The following TASP1 variants were observed in gnomAD, a reference collection of about 807,000 sequenced individuals.
TASP1 encodes threonine aspartase 1.
TASP1 carries 16 observed loss-of-function variants against 56.6 expected under a neutral mutation model. That is an observed-to-expected ratio of 0.28 (90% CI 0.19 to 0.43). The LOEUF is 0.43. TASP1 is among the 20% of genes least tolerant of loss of function. TASP1 has a pLI of 1.00. For synonymous variants in TASP1, 179 were observed against 184.2 expected, an observed-to-expected ratio of 0.97 and a Z score of 0.23; for missense variants, 393 against 511.6, an observed-to-expected ratio of 0.77 and a Z score of 2.24.
At chr20:13,620,282 A>ACC (rs1251400882) in intron 4 of TASP1, among the ~76,000 whole-genome samples, 1 of 152,036 alleles carries the variant, frequency 6.6e-6, no homozygotes, top group African/African-American at 2.4e-5. Context: ...ACACACACAC[A>ACC]CACACACACA....
intron 10 of TASP1, among the ~76,000 whole-genome samples, chr20:13,500,581 TA>T (rs2043910319): frequency 1.3e-5 from 2 of 151,696 alleles, no homozygotes; most frequent in South Asian, 4.2e-4. Context: ...GAAAACCTAT[TA>T]AAATAAATCA....
chr20:13,471,330 T>C (rs1205936417), intron 11 of TASP1, among the ~76,000 whole-genome samples: 1 of 152,138 alleles, frequency 6.6e-6, no homozygotes, highest in Non-Finnish European at 1.5e-5. Flanking sequence ...TAGTCCCACA[T>C]ACGGCTACTG....
chr20:13,491,376 A>C (rs2043519831), intron 10 of TASP1, among the ~76,000 whole-genome samples: 1 of 152,202 alleles, frequency 6.6e-6, no homozygotes, highest in South Asian at 2.1e-4. Context: ...CTGCGTTCAC[A>C]ATACTTTCTC....
At chr20:13,454,318 G>T (rs779458769) in intron 11 of TASP1, among the ~76,000 whole-genome samples, 5 of 152,144 alleles carry the variant, frequency 3.3e-5, no homozygotes, top group Non-Finnish European at 5.9e-5. Flanking sequence ...GAGGCAGGAA[G>T]ACTGCTTAGG....
the TASP1 span, among the ~76,000 whole-genome samples, chr20:13,281,271 A>T: frequency 2.0e-5 from 3 of 152,204 alleles, no homozygotes; most frequent in Admixed American, 2.0e-4. Context: ...AAATAGTGCC[A>T]TGGTAGAGAT....
intron 2 of TASP1, among the ~76,000 whole-genome samples, chr20:13,626,578 G>A (rs926862099): frequency 6.6e-6 from 1 of 152,082 alleles, no homozygotes; most frequent in Non-Finnish European, 1.5e-5. Context: ...ACTCACCCAC[G>A]AAACTGTCGT....
intron 10 of TASP1, among the ~76,000 whole-genome samples, chr20:13,521,478 C>T (rs1411521237): frequency 6.6e-6 from 1 of 152,126 alleles, no homozygotes; most frequent in Non-Finnish European, 1.5e-5. Flanking sequence ...TTTTTAGGGA[C>T]ATGGATGAAG....
intron 11 of TASP1, among the ~76,000 whole-genome samples, chr20:13,438,626 A>T (rs1945783418): frequency 6.6e-6 from 1 of 152,246 alleles, no homozygotes; most frequent in South Asian, 2.1e-4. Flanking sequence ...CACCAAAAGC[A>T]ATGGCAACAA....
the TASP1 span, among the ~76,000 whole-genome samples, chr20:13,227,658 G>A: frequency 2.7e-5 from 4 of 150,888 alleles, no homozygotes; most frequent in East Asian, 2.0e-4. Flanking sequence ...ACAGGCGCCC[G>A]CCACCATGCC....
chr20:13,483,117 A>G, intron 11 of TASP1, 110 bp downstream of exon 11: 2 of 722,436 alleles, frequency 2.8e-6, no homozygotes, highest in South Asian at 5.3e-5. Flanking sequence ...TTCCTCTGCT[A>G]GACCCTAGAG....
At chr20:13,562,991 CAT>C (rs1233526905) in intron 7 of TASP1, among the ~76,000 whole-genome samples, 3 of 130,908 alleles carry the variant, frequency 2.3e-5, no homozygotes, top group East Asian at 2.7e-4. Flanking sequence ...TGTATATACA[CAT>C]ATATACACAC....
chr20:13,489,618 T>C (rs1293646019), intron 10 of TASP1, among the ~76,000 whole-genome samples: 2 of 152,136 alleles, frequency 1.3e-5, no homozygotes, highest in African/African-American at 2.4e-5. Context: ...AGGGTACTGC[T>C]AGGTAGCCCG....
intron 7 of TASP1, among the ~76,000 whole-genome samples, chr20:13,565,326 C>T (rs1046864110): frequency 1.3e-5 from 2 of 151,610 alleles, no homozygotes; most frequent in Admixed American, 6.6e-5. Flanking sequence ...GGATATAACA[C>T]CAAAACACAG....
intron 4 of TASP1, among the ~76,000 whole-genome samples, chr20:13,611,317 A>G (rs2048340290): frequency 6.6e-6 from 1 of 152,200 alleles, no homozygotes; most frequent in African/African-American, 2.4e-5. Flanking sequence ...TCCTGGGACT[A>G]AAAGTAAATA....
chr20:13,271,867 C>G, the TASP1 span, among the ~76,000 whole-genome samples: 2 of 152,178 alleles, frequency 1.3e-5, no homozygotes, highest in African/African-American at 4.8e-5. Context: ...CAGCCCCTAC[C>G]TCCCAGGCTC....
intron 11 of TASP1, among the ~76,000 whole-genome samples, chr20:13,446,823 A>G (rs2043429937): frequency 6.6e-6 from 1 of 152,140 alleles, no homozygotes; most frequent in Admixed American, 6.6e-5. Context: ...TAAATTCAAC[A>G]ATATAACTCA....
the TASP1 span, among the ~76,000 whole-genome samples, chr20:13,132,171 ATT>A: frequency 7.3e-3 from 760 of 103,950 alleles, 5 homozygotes; most frequent in African/African-American, 0.02. Context: ...CCTTGCTTTA[ATT>A]TTTTTTTTTT....
At chr20:13,289,943 C>T in the TASP1 span, among the ~76,000 whole-genome samples, 2 of 152,076 alleles carry the variant, frequency 1.3e-5, no homozygotes, top group African/African-American at 4.8e-5. Flanking sequence ...CTTTTTCTAC[C>T]TTAGACACTC....
the TASP1 span, among the ~76,000 whole-genome samples, chr20:13,368,882 T>C: frequency 6.6e-6 from 1 of 152,194 alleles, no homozygotes; most frequent in Non-Finnish European, 1.5e-5. Flanking sequence ...CTTGAGTTTC[T>C]CACACTGGAG....
Sources: gnomAD v4.1 joint callset for allele counts (sites outside exome capture counted in the v4.1 genomes callset) on GRCh38, gnomAD v4.1.1 for gene constraint, MANE v1.5 for transcripts, NCBI Gene and HGNC (gene_info 2026-07-23, HGNC 2026-07-21) for gene names.